Variants in JAK3 observed in about 807,000 individuals in gnomAD.
JAK3 encodes Janus kinase 3.
JAK3 carries 88 observed loss-of-function variants against 120.8 expected under a neutral mutation model. The ratio of observed to expected loss-of-function variants is 0.73; its 90% CI spans 0.61 to 0.87. The LOEUF (loss-of-function observed/expected upper bound fraction) is 0.87, where lower values mean the gene tolerates loss of function less well. JAK3 is among the 40% of genes least tolerant of loss of function. The pLI, the probability that JAK3 is intolerant of heterozygous loss-of-function variation, is 0.00. For missense variants in JAK3, 1,254 were observed against 1,501.4 expected (o/e 0.84, Z 2.72); for synonymous variants, 592 against 628.6 (o/e 0.94, Z 0.87).
Position 17,835,337 on chromosome 19 carries a change from C to T in JAK3, c.1915-122G>A. 3.9e-6 allele frequency: 5 copies of T among 1,289,484 alleles called. No individual in the cohort carries two copies. In the East Asian group the frequency reaches 1.3e-4, roughly 33 times the overall value. The allele number at this position is 1,289,484 out of a possible 1,614,324, so 79.9% of individuals were successfully genotyped here. A position where few individuals can be genotyped will look rare whatever the true frequency, so the allele number is the denominator to read the frequency against. ...CTGCTCAGACATGCTCCAGCATCGT[C>T]CCTGACTCCTGACATCCTGTCTTGC... On this transcript the variant is annotated intron_variant, in intron 14 of 23. Transcript: ENST00000458235.
chr19:17,839,459 G>C lies in JAK3; in HGVS notation c.1441+18C>G. 1 of 1,562,424 alleles carries C rather than the reference G, an allele frequency of 6.4e-7. No homozygotes were observed. Among genetic ancestry groups the C allele is most frequent in the Non-Finnish European group, 8.7e-7 (1 of 1,151,926 alleles). The stretch of plus-strand genomic sequence containing the variant: ...GGTCCCAGATCAGCCACTCATTCCA[G>C]GGGAGGAAGGGGCTCACCTTTGGGT... On this transcript the variant is annotated intron_variant, in intron 10 of 23. Coordinates refer to ENST00000458235, the MANE Select transcript of JAK3 (RefSeq NM_000215.4).
rs764709567 is a variant in JAK3 at position 17,840,248 on chromosome 19, G to A, written c.1236C>T (p.Leu412=). 6.2e-6 allele frequency: 10 copies of A among 1,613,288 alleles called. No individual in the cohort carries two copies. The highest frequency in any genetic ancestry group is 1.6e-4 in the Middle Eastern group (1 of 6,084). ...GACCGACCTGGACACAGACAGTGAG[G>A]AGGAAGCTGTCAAAGTCCTGGGGGC... ...RRSPQDFDSF[L]LTVCVQNPLG... is the part of the protein sequence containing the mutation. The change falls in exon 9 of 24, where the codon CTC becomes CTT. Residue 412 remains leucine, a synonymous_variant. Coordinates refer to ENST00000458235, the MANE Select transcript of JAK3 (RefSeq NM_000215.4).
Position 17,834,956 on chromosome 19 carries a change from C to A in JAK3, c.2095G>T (p.Ala699Ser), listed in dbSNP as rs199938989. 32 of 1,614,086 alleles carry A rather than the reference C, an allele frequency of 2.0e-5. No individual in the cohort carries two copies. In the Middle Eastern group the frequency reaches 4.9e-4, roughly 25 times the overall value. Residue 699 changes from alanine (A) to serine (S), a missense_variant, in exon 16 of 24, where the codon GCG (alanine) becomes TCG (serine). Physicochemically the swap from Ala to Ser is moderately conservative, Grantham distance 99. Coordinates refer to ENST00000458235, the MANE Select transcript of JAK3 (RefSeq NM_000215.4). ...TCAGCTTCCAAGCTAAGTGTCTGCG[C>A]CTCCCGGAGACACTCGGGGGCCACC... is the stretch of plus-strand genomic sequence containing the variant. Reference protein sequence around the residue: ...PWVAPECLREAQTLSLEADKW... With the variant: ...PWVAPECLRESQTLSLEADKW...
rs3212725 is a variant in JAK3 at position 17,843,340 on chromosome 19, A to G, written c.420+40T>C. On this transcript the variant is annotated intron_variant, in intron 4 of 23. Transcript: ENST00000458235. The surrounding 1 kb of genome is among the most constrained non-coding windows in gnomAD (Gnocchi z 5.4). ...TGCCAGTCCTCATGTTGCCCCTTGGACCCCCAACCCCCTGGGTCAAACCCC... is the reference window on the plus strand; with the variant it reads ...TGCCAGTCCTCATGTTGCCCCTTGGGCCCCCAACCCCCTGGGTCAAACCCC... The G allele has an allele frequency of 4.6e-3, 7,087 of 1,530,534 alleles. 313 individuals carry two copies. The African/African-American group carries it at 0.087, about 19-fold the overall frequency. The allele number at this position is 1,530,534 out of a possible 1,614,324, so 94.8% of individuals were successfully genotyped here.
In JAK3 at chr19:17,838,036, T is replaced by C. The variant is rs563671651; in HGVS notation, c.1597A>G (p.Thr533Ala). ...WHENLGHGSF[T>A]KIYRGCRHEV... ...TGGCGACAGCCCCGGTAAATCTTGG[T>C]GAAGGACCCATGGCCCAGGTTCTCA... Residue 533 changes from threonine to alanine, a missense_variant, in exon 12 of 24, where the codon ACC becomes GCC. Physicochemically the swap from Thr to Ala is moderately conservative, Grantham distance 58. Coordinates refer to ENST00000458235, the MANE Select transcript of JAK3 (RefSeq NM_000215.4). 29 of 1,614,028 alleles carry C rather than the reference T, an allele frequency of 1.8e-5. No homozygotes were observed. The South Asian group carries it at 3.0e-4, about 16-fold the overall frequency.
At chr19:17,833,076 A>G in intron 17 of JAK3, 147 bp from the exon 18 acceptor site, 1 of 1,437,706 alleles carries the variant, frequency 7.0e-7, no homozygotes, top group Non-Finnish European at 9.3e-7. Flanking sequence ...TACCTTGTGG[A>G]GACTGGAAAA....
chr19:17,837,681 C>T (rs1354698560), intron 12 of JAK3, among the ~76,000 whole-genome samples: 1 of 152,248 alleles, frequency 6.6e-6, no homozygotes, highest in African/African-American at 2.4e-5. Context: ...TCCCAAAGTG[C>T]TGGGATTACA....
intron 17 of JAK3, 93 bp from the exon 18 acceptor site, chr19:17,833,022 GACCCTCTCTGTGCATT>G (rs1239713985): frequency 1.3e-6 from 2 of 1,538,668 alleles, no homozygotes; most frequent in African/African-American, 2.7e-5. Flanking sequence ...TCTGCATATT[GACCCTCTCTGTGCATT>G]ATGGCAGGGC....
At chr19:17,840,043 T>A (rs1489534727) in intron 9 of JAK3, among the ~76,000 whole-genome samples, 187 bp downstream of exon 9, 1 of 152,152 alleles carries the variant, frequency 6.6e-6, no homozygotes, top group Non-Finnish European at 1.5e-5. Flanking sequence ...CCAGCCTCAG[T>A]CCTTTCTCCT....
At chr19:17,829,783 C>CCATGAACG (rs2094210426) in intron 23 of JAK3, 1 of 450,036 alleles carries the variant, frequency 2.2e-6, no homozygotes, top group Non-Finnish European at 3.9e-6. Context: ...AAAAAAAAAA[C>CCATGAACG]CATGAACGTC....
intron 23 of JAK3, among the ~76,000 whole-genome samples, chr19:17,829,443 GCCA>G (rs1033472045): frequency 5.9e-5 from 9 of 151,938 alleles, no homozygotes; most frequent in African/African-American, 2.2e-4. Context: ...ACAGGTGTGA[GCCA>G]CCACACCTGG....
chr19:17,835,823 C>T (rs1049808760), intron 14 of JAK3, 101 bp downstream of exon 14: 2 of 1,503,922 alleles, frequency 1.3e-6, no homozygotes, highest in South Asian at 2.3e-5. Context: ...GAACCCTTAC[C>T]AAACTCCTAT....
intron 8 of JAK3, 151 bp from the exon 9 acceptor site, chr19:17,840,492 C>T (rs1271784149): frequency 3.4e-5 from 22 of 645,422 alleles, no homozygotes; most frequent in Admixed American, 3.3e-4. Context: ...GGCCAGGCGC[C>T]GTGGCTCACG....
In JAK3 at chr19:17,843,777, C is replaced by T. The variant is rs774202259; in HGVS notation, c.308G>A (p.Arg103His). The T allele has an allele frequency of 6.8e-6, 11 of 1,613,348 alleles. No individual in the cohort carries two copies. Among genetic ancestry groups the T allele is most frequent in the South Asian group, 1.1e-5 (1 of 91,076 alleles). Residue 103 changes from arginine (R) to histidine (H), a missense_variant and splice_region_variant, in exon 3 of 24, where the codon CGC becomes CAC. Around this residue, in one of 3 missense-constraint regions of JAK3, gnomAD observed 138 missense variants for 178.7 expected, o/e 0.77. Transcript: ENST00000458235. The surrounding 1 kb of genome is among the most constrained non-coding windows in gnomAD (Gnocchi z 5.4). Reference protein sequence around the residue: ...ASTQVLLYRIRFYFPNWFGLE... With the variant: ...ASTQVLLYRIHFYFPNWFGLE... ...CTGGGGGCTGGGGGGCACTTCCTAC[C>T]GAATCCTGTACAGCAGGACTTGGGT...
chr19:17,847,480 G>A (rs549168731), intron 1 of JAK3, among the ~76,000 whole-genome samples: 2 of 152,180 alleles, frequency 1.3e-5, no homozygotes, highest in South Asian at 2.1e-4. Flanking sequence ...ATGGAGGTCT[G>A]GCTATGTTGC....
chr19:17,832,749 G>T lies in JAK3; in HGVS notation c.2490+41C>A. ...ACTGATGTCCAGGCACCTGGATGCTGCCCTGCCCTCTCCAACCCACCCTGG... is the reference window on the plus strand; with the variant it reads ...ACTGATGTCCAGGCACCTGGATGCTTCCCTGCCCTCTCCAACCCACCCTGG... On this transcript the variant is annotated intron_variant, in intron 18 of 23. Coordinates refer to ENST00000458235, the MANE Select transcript of JAK3 (RefSeq NM_000215.4). The surrounding 1 kb of genome is among the most constrained non-coding windows in gnomAD (Gnocchi z 4.7). The T allele has an allele frequency of 1.2e-6, 2 of 1,614,154 alleles. No individual in the cohort carries two copies. The highest frequency in any genetic ancestry group is 1.7e-6 in the Non-Finnish European group (2 of 1,179,974).
At chr19:17,844,531 G>T (rs2094247799) in intron 1 of JAK3, 101 bp from the exon 2 acceptor site, 3 of 1,026,246 alleles carry the variant, frequency 2.9e-6, no homozygotes, top group Non-Finnish European at 4.3e-6. Context: ...GGGTGCGGTG[G>T]CTTATGCCTG....
intron 10 of JAK3, 45 bp downstream of exon 10, chr19:17,839,432 A>C (rs1370460470): frequency 6.5e-7 from 1 of 1,530,600 alleles, no homozygotes; most frequent in Non-Finnish European, 8.9e-7. Context: ...ATAGAAAGCC[A>C]GGGTCCCAGA....
chr19:17,844,809 AAAAAG>A (rs536666528), intron 1 of JAK3, among the ~76,000 whole-genome samples: 9,407 of 140,158 alleles, frequency 0.067, 329 homozygotes, highest in African/African-American at 0.12. Context: ...AAAAAAAAAA[AAAAAG>A]AAAGAAAGAA....
Sources: allele counts gnomAD v4.1 joint callset (sites outside exome capture counted in the v4.1 genomes callset), GRCh38; gene constraint gnomAD v4.1.1; regional missense constraint gnomAD v4.1.1; non-coding constraint Gnocchi (gnomAD v3.1); transcripts MANE v1.5; gene names NCBI Gene and HGNC (gene_info 2026-07-23, HGNC 2026-07-21).